ADAMTSL3: variants seen among roughly 807,000 people sequenced by gnomAD.
ADAMTSL3 encodes ADAMTS like 3, also known as ADAMTS-like protein 3.
In ADAMTSL3, 128 loss-of-function variants were observed where a neutral mutation model predicts 201.7. The ratio of observed to expected loss-of-function variants is 0.63; its 90% CI spans 0.55 to 0.73. The LOEUF (loss-of-function observed/expected upper bound fraction) is 0.73. Ranked by LOEUF, ADAMTSL3 falls within the 30% of genes least tolerant of loss-of-function variation. ADAMTSL3 has a pLI of 0.00. For synonymous variants in ADAMTSL3, 738 were observed against 748.4 expected, an observed-to-expected ratio of 0.99 and a Z score of 0.23; for missense variants, 1,990 against 2,119.6, an observed-to-expected ratio of 0.94 and a Z score of 1.20.
intron 21 of ADAMTSL3, among the ~76,000 whole-genome samples, chr15:83,986,802 G>C (rs897128429): frequency 2.0e-5 from 3 of 152,212 alleles, no homozygotes; most frequent in African/African-American, 7.2e-5. Context: ...GTTTGTGGGT[G>C]TATCAATTAG....
chr15:83,966,083 A>C (rs933065451), intron 19 of ADAMTSL3, among the ~76,000 whole-genome samples: 4 of 152,250 alleles, frequency 2.6e-5, no homozygotes, highest in African/African-American at 7.2e-5. Flanking sequence ...AGAAAGCAGA[A>C]AAGTCTAAAA....
At chr15:83,682,210 T>A (rs1223114240) in intron 2 of ADAMTSL3, among the ~76,000 whole-genome samples, 6 of 152,040 alleles carry the variant, frequency 3.9e-5, no homozygotes. Context: ...GCCAGTTGAT[T>A]TAGAGACTCA....
intron 20 of ADAMTSL3, among the ~76,000 whole-genome samples, chr15:83,973,587 G>T (rs2067232223): frequency 6.6e-6 from 1 of 152,106 alleles, no homozygotes; most frequent in Non-Finnish European, 1.5e-5. Context: ...TAATGGCTTT[G>T]TGCCCTATTT....
intron 16 of ADAMTSL3, among the ~76,000 whole-genome samples, chr15:83,917,065 C>T (rs2066047395): frequency 6.6e-6 from 1 of 152,078 alleles, no homozygotes; most frequent in African/African-American, 2.4e-5. Flanking sequence ...TTAGCCTTCA[C>T]CCTGGATAGC....
At chr15:83,695,230 G>C (rs377697237) in intron 2 of ADAMTSL3, among the ~76,000 whole-genome samples, 1 of 121,232 alleles carries the variant, frequency 8.2e-6, no homozygotes, top group Non-Finnish European at 1.9e-5. Context: ...TGTGTGTAAT[G>C]TGTGTGTGTG....
Position 83,912,977 on chromosome 15 carries a change from T to G in ADAMTSL3, c.1701-115T>G, listed in dbSNP as rs184149491. On this transcript the variant is annotated intron_variant, in intron 15 of 29. Coordinates refer to ENST00000286744, the MANE Select transcript of ADAMTSL3 (RefSeq NM_207517.3). ...GTATAAAATTCCAAATGTGTGGAAT[T>G]CCACCGAGTGAAGCTGGTTATTTTT... is the stretch of plus-strand genomic sequence containing the variant. 1.9e-4 allele frequency: 212 copies of G among 1,112,000 alleles called. 1 individual carries two copies. In the African/African-American group the frequency reaches 2.0e-3, roughly 10 times the overall value. 68.9% of individuals were successfully genotyped at this position (1,112,000 alleles called of 1,614,324 possible). A position where few individuals can be genotyped will look rare whatever the true frequency, so the allele number is the denominator to read the frequency against.
At chr15:83,959,772 T>C (rs984700429) in intron 19 of ADAMTSL3, among the ~76,000 whole-genome samples, 2 of 152,238 alleles carry the variant, frequency 1.3e-5, no homozygotes, top group African/African-American at 4.8e-5. Flanking sequence ...TGATAATTAA[T>C]GGCACTGATT....
intron 3 of ADAMTSL3, among the ~76,000 whole-genome samples, chr15:83,715,787 C>T (rs994271744): frequency 6.6e-6 from 1 of 152,196 alleles, no homozygotes; most frequent in African/African-American, 2.4e-5. Context: ...CTTCCCTTAT[C>T]CCCCATTTCT....
At chr15:83,814,471 A>G (rs2063742721) in intron 5 of ADAMTSL3, among the ~76,000 whole-genome samples, 2 of 152,254 alleles carry the variant, frequency 1.3e-5, no homozygotes, top group East Asian at 1.9e-4. Context: ...ACTGCTCCTT[A>G]TGGATAACGA....
intron 2 of ADAMTSL3, among the ~76,000 whole-genome samples, chr15:83,686,167 A>G (rs2061533211): frequency 6.6e-6 from 1 of 152,232 alleles, no homozygotes; most frequent in Non-Finnish European, 1.5e-5. Context: ...GACGCTTTTC[A>G]TCAAAACTGA....
chr15:83,761,060 G>A (rs1002070314), intron 3 of ADAMTSL3, among the ~76,000 whole-genome samples: 1 of 151,640 alleles, frequency 6.6e-6, no homozygotes, highest in Non-Finnish European at 1.5e-5. Flanking sequence ...CCTTCTTTTG[G>A]ATTGATTAAA....
chr15:83,864,844 T>C (rs939771256), intron 8 of ADAMTSL3, among the ~76,000 whole-genome samples: 4 of 152,348 alleles, frequency 2.6e-5, no homozygotes, highest in African/African-American at 9.6e-5. Flanking sequence ...GCAGATGACA[T>C]GATTGTATAT....
At chr15:83,972,657 A>G (rs2067217228) in intron 20 of ADAMTSL3, among the ~76,000 whole-genome samples, 1 of 152,186 alleles carries the variant, frequency 6.6e-6, no homozygotes, top group South Asian at 2.1e-4. Context: ...CAAGAAAAAA[A>G]GACAGTAATA....
chr15:83,777,045 G>A (rs1461263259), intron 4 of ADAMTSL3, among the ~76,000 whole-genome samples: 1 of 151,152 alleles, frequency 6.6e-6, no homozygotes, highest in Non-Finnish European at 1.5e-5. Flanking sequence ...GAGAACAGTG[G>A]ATCCTACCCC....
chr15:83,977,351 T>C (rs1206077863), intron 20 of ADAMTSL3, among the ~76,000 whole-genome samples: 1 of 152,174 alleles, frequency 6.6e-6, no homozygotes, highest in Admixed American at 6.5e-5. Context: ...ATTATGATCA[T>C]TTAAACTTGA....
intron 6 of ADAMTSL3, among the ~76,000 whole-genome samples, chr15:83,825,469 TG>T (rs914993932): frequency 1.3e-5 from 2 of 151,964 alleles, no homozygotes; most frequent in African/African-American, 4.8e-5. Flanking sequence ...AAAAATTAGC[TG>T]GGTGTGTTGG....
At chr15:83,792,635 T>C (rs1423654409) in intron 4 of ADAMTSL3, among the ~76,000 whole-genome samples, 1 of 151,852 alleles carries the variant, frequency 6.6e-6, no homozygotes, top group Non-Finnish European at 1.5e-5. Context: ...GATACAAAAT[T>C]AGCCAGGCAT....
At chr15:83,880,438 C>T (rs565439373) in intron 9 of ADAMTSL3, among the ~76,000 whole-genome samples, 5 of 152,248 alleles carry the variant, frequency 3.3e-5, no homozygotes, top group African/African-American at 7.2e-5. Context: ...TTGTCAATGG[C>T]TACTTTTGCA....
chr15:83,896,862 T>C lies in ADAMTSL3; in HGVS notation c.1468-996T>C, dbSNP rs2065625601. On this transcript the variant is annotated intron_variant, in intron 13 of 29. Transcript: ENST00000286744. ...ATGTCTGGGGAGGCCTCAGGAAACTTACAGTGATGGTGGAGGGTGAAGTAG... is the reference window on the plus strand; with the variant it reads ...ATGTCTGGGGAGGCCTCAGGAAACTCACAGTGATGGTGGAGGGTGAAGTAG... Among the ~76,000 whole-genome samples the C allele has an allele frequency of 2.0e-5, 3 of 152,248 alleles. No homozygotes were observed. In the South Asian group the frequency reaches 6.2e-4, roughly 32 times the overall value.
Sources: gnomAD v4.1 joint callset for allele counts (sites outside exome capture counted in the v4.1 genomes callset) on GRCh38, gnomAD v4.1.1 for gene constraint, MANE v1.5 for transcripts, NCBI Gene and HGNC (gene_info 2026-07-23, HGNC 2026-07-21) for gene names.